C11orf16: variants seen among roughly 807,000 people sequenced by gnomAD.
C11orf16 encodes chromosome 11 open reading frame 16, also known as uncharacterized protein C11orf16.
A neutral mutation model predicts 45.1 loss-of-function variants in C11orf16; 38 were observed. The observed-to-expected ratio is 0.84, with a 90% CI of 0.65 to 1.10. The LOEUF (loss-of-function observed/expected upper bound fraction) is 1.10. Among genes scored for constraint, C11orf16 ranks in the 50% least tolerant of loss-of-function variants. C11orf16 has a pLI of 0.00. For synonymous variants in C11orf16, 221 were observed against 222.0 expected (o/e 1.00, Z 0.04); for missense variants, 583 against 569.5 (o/e 1.02, Z -0.24).
intron 5 of C11orf16, among the ~76,000 whole-genome samples, chr11:8,923,053 A>G (rs1008792790): frequency 3.3e-5 from 5 of 152,252 alleles, no homozygotes; most frequent in Admixed American, 2.0e-4. Flanking sequence ...AAGTACCTGA[A>G]GATACTATAG....
chr11:8,930,783 C>T (rs900027810), intron 2 of C11orf16, among the ~76,000 whole-genome samples: 4 of 152,144 alleles, frequency 2.6e-5, no homozygotes, highest in African/African-American at 7.2e-5. Flanking sequence ...ATCAACATGC[C>T]GTCACTGCAC....
chr11:8,920,694 G>A (rs935669903), intron 6 of C11orf16, among the ~76,000 whole-genome samples: 3 of 152,156 alleles, frequency 2.0e-5, no homozygotes, highest in Non-Finnish European at 2.9e-5. Flanking sequence ...GGTGGCATGT[G>A]CCTAGCTACT....
intron 5 of C11orf16, among the ~76,000 whole-genome samples, chr11:8,925,083 C>G (rs923823920): frequency 1.3e-5 from 2 of 152,196 alleles, no homozygotes; most frequent in Admixed American, 6.5e-5. Flanking sequence ...CAACTCTGAT[C>G]AACACCTGGA....
At chr11:8,929,574 A>G in intron 2 of C11orf16, 41 bp from the exon 3 acceptor site, 1 of 1,549,116 alleles carries the variant, frequency 6.5e-7, no homozygotes, top group South Asian at 1.2e-5. Flanking sequence ...GAGAGCAACA[A>G]GCCCTAAACA....
At chr11:8,927,321 C>T in intron 3 of C11orf16, 147 bp from the exon 4 acceptor site, 1 of 642,134 alleles carries the variant, frequency 1.6e-6, no homozygotes, top group Non-Finnish European at 2.7e-6. Flanking sequence ...AGGGCAGATG[C>T]TGCTTCAAGC....
At chr11:8,930,523 C>T (rs2064643369) in intron 2 of C11orf16, among the ~76,000 whole-genome samples, 2 of 151,244 alleles carry the variant, frequency 1.3e-5, no homozygotes, top group Non-Finnish European at 1.5e-5. Context: ...ATAGTAATGC[C>T]GAGGGTGTGA....
rs374338051 is a variant in C11orf16 at position 8,927,001 on chromosome 11, G to T, written c.498C>A (p.Gly166=). ...GDKVLALWEP[G]QQQYGPGTVL... The stretch of plus-strand genomic sequence containing the variant: ...CAGTGCCAGGGCCATACTGCTGTTG[G>T]CCTGGCTCCCAGAGTGCCAGCACCT... The change falls in exon 4 of 7, where the codon GGC becomes GGA. Residue 166 remains glycine (G), a synonymous_variant. Transcript: ENST00000326053. The T allele has an allele frequency of 2.5e-6, 4 of 1,613,906 alleles. No individual in the cohort carries two copies. The highest frequency in any genetic ancestry group is 8.5e-7 in the Non-Finnish European group (1 of 1,180,008).
chr11:8,923,305 G>C (rs1333320420), intron 5 of C11orf16, among the ~76,000 whole-genome samples: 1 of 152,094 alleles, frequency 6.6e-6, no homozygotes, highest in Non-Finnish European at 1.5e-5. Context: ...TGGTATCTAG[G>C]GTATGTCTGG....
rs1466334749 is a variant in C11orf16 at position 8,927,187 on chromosome 11, A to C, written c.325-13T>G. ...CCTGTCTCTCCAGCTGTGGGAAAGA[A>C]AACACTCAGAATAAGACCTGGCATT... On this transcript the variant is annotated splice_polypyrimidine_tract_variant and intron_variant, in intron 3 of 6. Transcript: ENST00000326053. 6.2e-7 allele frequency: 1 copy of C among 1,600,148 alleles called. No homozygotes were observed. Among genetic ancestry groups the C allele is most frequent in the Non-Finnish European group, 8.6e-7 (1 of 1,169,000 alleles).
intron 5 of C11orf16, among the ~76,000 whole-genome samples, chr11:8,923,682 C>T (rs1276637941): frequency 6.6e-6 from 1 of 152,008 alleles, no homozygotes; most frequent in Non-Finnish European, 1.5e-5. Flanking sequence ...AGTGTAGTGG[C>T]TTACCCTGCC....
chr11:8,923,114 C>G (rs1251122868), intron 5 of C11orf16, among the ~76,000 whole-genome samples: 1 of 152,182 alleles, frequency 6.6e-6, no homozygotes, highest in Non-Finnish European at 1.5e-5. Flanking sequence ...GAGAAAATAA[C>G]TTTGGAGTGG....
chr11:8,923,282 G>A (rs2064587051), intron 5 of C11orf16, among the ~76,000 whole-genome samples: 1 of 152,156 alleles, frequency 6.6e-6, no homozygotes, highest in South Asian at 2.1e-4. Flanking sequence ...TCACAGCAAT[G>A]GGAACACAGA....
chr11:8,924,350 C>A (rs2064594121), intron 5 of C11orf16, among the ~76,000 whole-genome samples: 1 of 152,118 alleles, frequency 6.6e-6, no homozygotes, highest in South Asian at 2.1e-4. Flanking sequence ...CATGGCAAAA[C>A]CCCATCTCCA....
intron 4 of C11orf16, among the ~76,000 whole-genome samples, chr11:8,926,473 C>T (rs1440901030): frequency 6.6e-6 from 1 of 152,138 alleles, no homozygotes; most frequent in Non-Finnish European, 1.5e-5. Context: ...CCTCCACTTC[C>T]CAAGGACTTG....
chr11:8,920,410 T>G lies in C11orf16; in HGVS notation c.*63A>C. ...TTGAAGAAGGCCTTGTCAGCCACTC[T>G]GTATAACTCTCCTCGAATATTTACC... On this transcript the variant is annotated 3_prime_UTR_variant, in exon 7 of 7. Coordinates refer to ENST00000326053, the MANE Select transcript of C11orf16 (RefSeq NM_020643.3). 1.5e-6 allele frequency: 1 copy of G among 672,522 alleles called. No individual in the cohort carries two copies. The highest frequency in any genetic ancestry group is 2.7e-6 in the Non-Finnish European group (1 of 371,634). 41.7% of individuals were successfully genotyped at this position (672,522 alleles called of 1,614,324 possible).
At chr11:8,930,818 C>T (rs1270189885) in intron 2 of C11orf16, among the ~76,000 whole-genome samples, 4 of 152,138 alleles carry the variant, frequency 2.6e-5, no homozygotes, top group Middle Eastern at 3.2e-3. Flanking sequence ...CTGAGGAGCT[C>T]CTGCAGACCC....
rs1199926148 is a variant in C11orf16 at position 8,926,035 on chromosome 11, T to C, written c.632A>G (p.Gln211Arg). 2 of 1,614,024 alleles carry C rather than the reference T, an allele frequency of 1.2e-6. No individual in the cohort carries two copies. The highest frequency in any genetic ancestry group is 1.7e-6 in the Non-Finnish European group (2 of 1,180,026). The change falls in exon 5 of 7, where the codon CAG becomes CGG. Residue 211 changes from glutamine (Q) to arginine (R), a missense_variant. By Grantham distance (43) the Gln-to-Arg change is conservative. Coordinates refer to ENST00000326053, the MANE Select transcript of C11orf16 (RefSeq NM_020643.3). ...KAAKVPLGGV[Q>R]SVSLTIWKKA... The stretch of plus-strand genomic sequence containing the variant: ...CTTCCAGATGGTCAGGGACACCGAC[T>C]GGACCCCACCTAGGGGCACTTTAGC...
At chr11:8,921,258 T>C in intron 6 of C11orf16, 36 bp downstream of exon 6, 1 of 1,560,380 alleles carries the variant, frequency 6.4e-7, no homozygotes, top group South Asian at 1.1e-5. Flanking sequence ...ATGTGAGGAG[T>C]CCTTAGGAAG....
At position 8,921,346 on chromosome 11, in the gene C11orf16, T is replaced by C. The variant is rs760606712; in HGVS notation, c.1374A>G (p.Ala458=). 1 of 1,614,068 alleles carries C rather than the reference T, an allele frequency of 6.2e-7. No homozygotes were observed. Among genetic ancestry groups the C allele is most frequent in the Non-Finnish European group, 8.5e-7 (1 of 1,180,042 alleles). ...AEHRKRSQSL[A]ICQWNKNSR ...GGGAATTCTTGTTCCACTGACATAT[T>C]GCAAGGCTCTGACTCCGCTTTCTGT... The change falls in exon 6 of 7, where the codon GCA becomes GCG. Residue 458 remains alanine (A), a synonymous_variant. Coordinates refer to ENST00000326053, the MANE Select transcript of C11orf16 (RefSeq NM_020643.3).
Sources: gnomAD v4.1 joint callset for allele counts (sites outside exome capture counted in the v4.1 genomes callset) on GRCh38, gnomAD v4.1.1 for gene constraint, MANE v1.5 for transcripts, NCBI Gene and HGNC (gene_info 2026-07-23, HGNC 2026-07-21) for gene names.